The following FANCC variants were observed in gnomAD, a reference collection of about 807,000 sequenced individuals.
FANCC encodes the protein Fanconi anemia group C protein.
FANCC carries 55 observed loss-of-function variants against 71.3 expected under a neutral mutation model. The observed-to-expected ratio is 0.77, with a 90% CI of 0.62 to 0.97. The LOEUF is 0.97. Among genes scored for constraint, FANCC ranks in the 50% least tolerant of loss-of-function variants. The pLI, the probability that FANCC is intolerant of heterozygous loss-of-function variation, is 0.00. For synonymous variants in FANCC, 275 were observed against 244.9 expected (o/e 1.12, Z -1.15); for missense variants, 678 against 670.9 (o/e 1.01, Z -0.12).
intron 4 of FANCC, among the ~76,000 whole-genome samples, chr9:95,202,299 G>A (rs1232004789): frequency 6.6e-6 from 1 of 152,232 alleles, no homozygotes; most frequent in East Asian, 1.9e-4. Flanking sequence ...GCTTAACGGG[G>A]CAGGGCTGCC....
At chr9:95,254,711 A>G (rs1831554248) in intron 1 of FANCC, among the ~76,000 whole-genome samples, 1 of 152,150 alleles carries the variant, frequency 6.6e-6, no homozygotes, top group Admixed American at 6.5e-5. Flanking sequence ...TGGCACCTGG[A>G]ACACCAGCGA....
At chr9:95,138,717 T>C (rs946656597) in intron 7 of FANCC, among the ~76,000 whole-genome samples, 2 of 152,182 alleles carry the variant, frequency 1.3e-5, no homozygotes, top group African/African-American at 4.8e-5. Flanking sequence ...TGCCAGGTGG[T>C]GGTGGGGAAG....
In FANCC at chr9:95,249,118, AC is replaced by A. The variant is rs1281745385; in HGVS notation, c.165+8del. The A allele has an allele frequency of 5.0e-6, 8 of 1,613,472 alleles. No homozygotes were observed. The Admixed American group carries it at 1.3e-4, about 27-fold the overall frequency. Reference sequence around the variant, plus strand: ...GAAAATAATTTCATTATTCTGGTCCACTACTTACCATCTCTTTCAAGGCTTC... The same window carrying A: ...GAAAATAATTTCATTATTCTGGTCCATACTTACCATCTCTTTCAAGGCTTC... On this transcript the variant is annotated splice_region_variant and intron_variant, in intron 2 of 14. Coordinates refer to ENST00000289081, the MANE Select transcript of FANCC (RefSeq NM_000136.3).
chr9:95,308,467 A>G (rs1256025956), intron 1 of FANCC, among the ~76,000 whole-genome samples: 1 of 151,370 alleles, frequency 6.6e-6, no homozygotes, highest in Non-Finnish European at 1.5e-5. Context: ...TTGTATTTTT[A>G]TTAGAGACAG....
chr9:95,115,888 C>T (rs1407966611), intron 11 of FANCC, among the ~76,000 whole-genome samples: 1 of 152,166 alleles, frequency 6.6e-6, no homozygotes, highest in African/African-American at 2.4e-5. Flanking sequence ...CTTTTACACC[C>T]CTCTCCCGGC....
chr9:95,129,444 T>A (rs1054260568), intron 8 of FANCC, among the ~76,000 whole-genome samples: 1 of 152,222 alleles, frequency 6.6e-6, no homozygotes, highest in Non-Finnish European at 1.5e-5. Context: ...CTCTGTAGCA[T>A]CTTCATGAGT....
At chr9:95,274,268 T>C (rs1463208001) in intron 1 of FANCC, among the ~76,000 whole-genome samples, 2 of 152,154 alleles carry the variant, frequency 1.3e-5, no homozygotes, top group Non-Finnish European at 2.9e-5. Context: ...AGTGAGAACA[T>C]GTGGTGTTTG....
At chr9:95,113,153 C>T (rs984563377) in intron 12 of FANCC, among the ~76,000 whole-genome samples, 1 of 152,200 alleles carries the variant, frequency 6.6e-6, no homozygotes, top group South Asian at 2.1e-4. Flanking sequence ...TGGCCAACCC[C>T]GCAGCCTCCA....
chr9:95,248,973 T>C (rs1831162962), intron 2 of FANCC, among the ~76,000 whole-genome samples, 154 bp downstream of exon 2: 1 of 152,192 alleles, frequency 6.6e-6, no homozygotes, highest in Admixed American at 6.5e-5. Flanking sequence ...AATCGGAGAC[T>C]AGGAAACCAG....
At chr9:95,129,563 C>T (rs1001118121) in intron 8 of FANCC, among the ~76,000 whole-genome samples, 3 of 152,156 alleles carry the variant, frequency 2.0e-5, no homozygotes, top group Admixed American at 6.5e-5. Context: ...CCCATGACTG[C>T]GGCCATTATC....
chr9:95,103,850 G>A (rs1323939601), intron 14 of FANCC, among the ~76,000 whole-genome samples: 1 of 152,242 alleles, frequency 6.6e-6, no homozygotes, highest in African/African-American at 2.4e-5. Context: ...CTTTAGGTCA[G>A]ATGGAGCCAC....
chr9:95,264,287 A>G (rs538393389), intron 1 of FANCC, among the ~76,000 whole-genome samples: 1 of 152,358 alleles, frequency 6.6e-6, no homozygotes, highest in South Asian at 2.1e-4. Flanking sequence ...AGCATGATAA[A>G]TATGTACTGA....
chr9:95,194,670 G>A (rs887718979), intron 4 of FANCC, among the ~76,000 whole-genome samples: 59 of 151,178 alleles, frequency 3.9e-4, no homozygotes, highest in African/African-American at 1.4e-3. Context: ...TCACCTTTTC[G>A]TGAAATAGTG....
At chr9:95,292,911 T>A in intron 1 of FANCC, 5 of 1,582,070 alleles carry the variant, frequency 3.2e-6, no homozygotes, top group Non-Finnish European at 4.3e-6. Flanking sequence ...GACCTTCCGG[T>A]GCACATGCGG....
At chr9:95,139,812 G>A (rs1409485456) in intron 7 of FANCC, among the ~76,000 whole-genome samples, 1 of 144,600 alleles carries the variant, frequency 6.9e-6, no homozygotes, top group African/African-American at 2.6e-5. Flanking sequence ...TGTTTGACCT[G>A]ACAAAATGAA....
At chr9:95,106,310 G>GT (rs1446081868) in intron 14 of FANCC, among the ~76,000 whole-genome samples, 1 of 152,092 alleles carries the variant, frequency 6.6e-6, no homozygotes, top group Non-Finnish European at 1.5e-5. Context: ...GAATTGGGTT[G>GT]TTTATCTTTT....
chr9:95,294,035 T>G, intron 1 of FANCC: 1 of 1,601,688 alleles, frequency 6.2e-7, no homozygotes, highest in East Asian at 2.2e-5. Flanking sequence ...GCACCAATTA[T>G]AAACTTCAGT....
intron 4 of FANCC, among the ~76,000 whole-genome samples, chr9:95,177,909 C>T (rs1826111455): frequency 6.6e-6 from 1 of 152,222 alleles, no homozygotes; most frequent in Admixed American, 6.5e-5. Context: ...AGACTCAGCC[C>T]CTTCAAGGCC....
At chr9:95,291,690 G>C (rs975692193) in intron 1 of FANCC, among the ~76,000 whole-genome samples, 4 of 152,046 alleles carry the variant, frequency 2.6e-5, no homozygotes, top group Admixed American at 2.0e-4. Flanking sequence ...ACTCATGCCT[G>C]TAATCCCAGC....
Sources: allele counts gnomAD v4.1 joint callset (sites outside exome capture counted in the v4.1 genomes callset), GRCh38; gene constraint gnomAD v4.1.1; transcripts MANE v1.5; gene names NCBI Gene and HGNC (gene_info 2026-07-23, HGNC 2026-07-21).